MECOM: variants seen among roughly 807,000 people sequenced by gnomAD.
MECOM encodes MDS1 and EVI1 complex locus.
In MECOM, 13 loss-of-function variants were observed where a neutral mutation model predicts 116.3. That is an observed-to-expected ratio of 0.11 (90% confidence interval 0.07 to 0.18). The LOEUF is 0.18. MECOM is among the 10% of genes least tolerant of loss of function. The pLI is 1.00. For synonymous variants in MECOM, 528 were observed against 535.2 expected (o/e 0.99, Z 0.19); for missense variants, 1,299 against 1,509.0 (o/e 0.86, Z 2.31).
At chr3:169,644,991 CTG>C (rs1417415229) in intron 1 of MECOM, among the ~76,000 whole-genome samples, 1 of 152,174 alleles carries the variant, frequency 6.6e-6, no homozygotes, top group East Asian at 1.9e-4. Flanking sequence ...ACACAAATGA[CTG>C]TGTTTCTCAA....
intron 2 of MECOM, among the ~76,000 whole-genome samples, chr3:169,317,218 TAAAC>T (rs1396292041): frequency 1.3e-5 from 2 of 152,194 alleles, no homozygotes; most frequent in Non-Finnish European, 2.9e-5. Context: ...ACATTAAAGT[TAAAC>T]AAATCACTGA....
intron 2 of MECOM, among the ~76,000 whole-genome samples, chr3:169,157,891 T>C (rs1742239575): frequency 6.6e-6 from 1 of 152,168 alleles, no homozygotes; most frequent in Non-Finnish European, 1.5e-5. Context: ...ATAATTTCTC[T>C]CCACATATAA....
intron 1 of MECOM, among the ~76,000 whole-genome samples, chr3:169,499,733 A>T (rs1252444642): frequency 6.6e-6 from 1 of 152,094 alleles, no homozygotes; most frequent in Non-Finnish European, 1.5e-5. Context: ...TAATGTCAAA[A>T]ATAGGAGTTG....
Position 169,122,731 on chromosome 3 carries a change from T to C in MECOM, c.831-4A>G, listed in dbSNP as rs1731453210. 3 of 1,613,146 alleles carry C rather than the reference T, an allele frequency of 1.9e-6. No homozygotes were observed. Among genetic ancestry groups the C allele is most frequent in the Non-Finnish European group, 2.5e-6 (3 of 1,179,382 alleles). On this transcript the variant is annotated splice_region_variant and splice_polypyrimidine_tract_variant and intron_variant, in intron 5 of 16. Transcript: ENST00000651503. ...TGACAGCATGTGTTTCTCCAGGCTG[T>C]TAAGAGAACAATAGATTTTAAAAGA... is the stretch of plus-strand genomic sequence containing the variant.
rs140918202 is a variant in MECOM at position 169,090,018 on chromosome 3, C to T, written c.3383G>A (p.Cys1128Tyr). Residue 1128 changes from cysteine to tyrosine, a missense_variant, in exon 15 of 17, where the codon TGC (cysteine) becomes TAC (tyrosine). Coordinates refer to ENST00000651503, the MANE Select transcript of MECOM (RefSeq NM_004991.4). ...YEETSALEMS[C>Y]KTSPVRYKEE... ...TACTCACCTCACTGGGGATGTCTTGCAACTCATCTCCAGGGCACTGGTTTC... is the reference window on the plus strand; with the variant it reads ...TACTCACCTCACTGGGGATGTCTTGTAACTCATCTCCAGGGCACTGGTTTC... The T allele has an allele frequency of 4.3e-4, 687 of 1,613,260 alleles. No individual in the cohort carries two copies. The highest frequency in any genetic ancestry group is 5.1e-4 in the Non-Finnish European group (607 of 1,179,476).
chr3:169,090,678 G>A (rs1719426310), intron 14 of MECOM, among the ~76,000 whole-genome samples: 1 of 151,750 alleles, frequency 6.6e-6, no homozygotes, highest in Non-Finnish European at 1.5e-5. Flanking sequence ...TGCCTAAAGT[G>A]ACTCTAAAAG....
At chr3:169,377,953 A>G (rs1486718531) in intron 2 of MECOM, among the ~76,000 whole-genome samples, 2 of 152,196 alleles carry the variant, frequency 1.3e-5, no homozygotes, top group Admixed American at 6.6e-5. Context: ...CTGGATAAAG[A>G]AAATGTGGTA....
At chr3:169,418,993 AAC>A (rs1025952180) in intron 1 of MECOM, among the ~76,000 whole-genome samples, 1 of 152,220 alleles carries the variant, frequency 6.6e-6, no homozygotes, top group Non-Finnish European at 1.5e-5. Flanking sequence ...TATTTAGGAA[AAC>A]ACATTGTCTC....
At chr3:169,163,704 G>C (rs1181720479) in intron 2 of MECOM, among the ~76,000 whole-genome samples, 1 of 152,008 alleles carries the variant, frequency 6.6e-6, no homozygotes, top group Admixed American at 6.6e-5. Context: ...CTTTTCCAAG[G>C]CTACATTATT....
chr3:169,500,729 A>G (rs938563642), intron 1 of MECOM, among the ~76,000 whole-genome samples: 28 of 152,018 alleles, frequency 1.8e-4, no homozygotes, highest in Non-Finnish European at 2.9e-4. Context: ...ATCCTAAGTA[A>G]TTCTTCTAAT....
chr3:169,387,071 T>C (rs1198415343), intron 1 of MECOM, among the ~76,000 whole-genome samples: 2 of 152,210 alleles, frequency 1.3e-5, no homozygotes, highest in African/African-American at 4.8e-5. Flanking sequence ...ATTTGCCATT[T>C]GGTATTTCGA....
At chr3:169,380,551 C>A (rs1732224736) in intron 2 of MECOM, among the ~76,000 whole-genome samples, 1 of 152,006 alleles carries the variant, frequency 6.6e-6, no homozygotes, top group Admixed American at 6.6e-5. Flanking sequence ...ATGACTGAAA[C>A]GAGTGACTAA....
Position 169,121,120 on chromosome 3 carries a change from C to T in MECOM, c.1068G>A (p.Thr356=), listed in dbSNP as rs770726960. 16 of 1,613,430 alleles carry T rather than the reference C, an allele frequency of 9.9e-6. No homozygotes were observed. Among genetic ancestry groups the T allele is most frequent in the African/African-American group, 2.7e-5 (2 of 74,878 alleles). The change falls in exon 7 of 17, where the codon ACG becomes ACA. Residue 356 remains threonine (T), a synonymous_variant. Coordinates refer to ENST00000651503, the MANE Select transcript of MECOM (RefSeq NM_004991.4). ...RAHACPECGK[T]FATSSGLKQH... ...GTTTGAGGCCCGACGAAGTGGCAAA[C>T]GTTTTGCCACACTCCGGGCATGCAT...
intron 1 of MECOM, among the ~76,000 whole-genome samples, chr3:169,532,446 G>A (rs1758763621): frequency 1.3e-5 from 2 of 152,198 alleles, no homozygotes; most frequent in African/African-American, 2.4e-5. Context: ...TAGGAAAATA[G>A]AAGAGCAAAG....
chr3:169,377,050 C>T (rs923036489), intron 2 of MECOM, among the ~76,000 whole-genome samples: 2 of 152,126 alleles, frequency 1.3e-5, no homozygotes, highest in African/African-American at 4.8e-5. Flanking sequence ...TGATCTTTGA[C>T]AAACCTGATA....
At chr3:169,614,609 A>C (rs1413007067) in intron 1 of MECOM, among the ~76,000 whole-genome samples, 2 of 152,286 alleles carry the variant, frequency 1.3e-5, no homozygotes, top group Non-Finnish European at 2.9e-5. Flanking sequence ...ATCACTACTA[A>C]AGAAATAAGC....
intron 7 of MECOM, among the ~76,000 whole-genome samples, chr3:169,120,646 T>G (rs1252576506): frequency 2.0e-5 from 3 of 152,226 alleles, no homozygotes; most frequent in African/African-American, 7.2e-5. Context: ...GGTGGGCTTC[T>G]TCCAGCTCTT....
At chr3:169,566,210 C>A (rs976294268) in intron 1 of MECOM, among the ~76,000 whole-genome samples, 1 of 152,130 alleles carries the variant, frequency 6.6e-6, no homozygotes, top group Non-Finnish European at 1.5e-5. Context: ...GTAGGGATTA[C>A]AATTTGAGTT....
At chr3:169,394,031 G>C (rs1446578940) in intron 1 of MECOM, among the ~76,000 whole-genome samples, 1 of 152,092 alleles carries the variant, frequency 6.6e-6, no homozygotes, top group African/African-American at 2.4e-5. Context: ...ATCTACTGGA[G>C]ACAGGAAAGA....
Sources: allele counts gnomAD v4.1 joint callset (sites outside exome capture counted in the v4.1 genomes callset), GRCh38; gene constraint gnomAD v4.1.1; transcripts MANE v1.5; gene names NCBI Gene and HGNC (gene_info 2026-07-23, HGNC 2026-07-21).